The following ARMH3 variants were observed in gnomAD, a reference collection of about 807,000 sequenced individuals.
ARMH3 encodes the protein armadillo like helical domain containing 3.
A neutral mutation model predicts 99.1 loss-of-function variants in ARMH3; 60 were observed. The ratio of observed to expected loss-of-function variants is 0.61; its 90% CI spans 0.49 to 0.75. The LOEUF (loss-of-function observed/expected upper bound fraction) is 0.75. Ranked by LOEUF, ARMH3 falls within the 30% of genes least tolerant of loss-of-function variation. ARMH3 has a pLI of 0.00. For synonymous variants in ARMH3, 285 were observed against 292.8 expected (o/e 0.97, Z 0.27); for missense variants, 679 against 843.1 (o/e 0.81, Z 2.41).
At chr10:102,025,280 T>C in intron 5 of ARMH3, 32 bp from the exon 6 acceptor site, 1 of 1,572,730 alleles carries the variant, frequency 6.4e-7, no homozygotes, top group East Asian at 2.2e-5. Context: ...CATTAAACCA[T>C]ACCAGATAAC....
chr10:101,932,973 T>C (rs1008585552), intron 23 of ARMH3, among the ~76,000 whole-genome samples: 2 of 152,106 alleles, frequency 1.3e-5, no homozygotes, highest in Admixed American at 1.3e-4. Flanking sequence ...GATTACGAGG[T>C]CAGGAGATCG....
At chr10:101,976,910 C>T (rs1846037954) in intron 19 of ARMH3, among the ~76,000 whole-genome samples, 2 of 152,146 alleles carry the variant, frequency 1.3e-5, no homozygotes, top group South Asian at 4.1e-4. Flanking sequence ...GCCTTGACCT[C>T]CCCAAGTTCT....
At chr10:101,969,655 CAATT>C (rs1399465608) in intron 20 of ARMH3, among the ~76,000 whole-genome samples, 3 of 152,170 alleles carry the variant, frequency 2.0e-5, no homozygotes, top group Non-Finnish European at 4.4e-5. Flanking sequence ...AGGCCATGTA[CAATT>C]TCTTTTTCAC....
chr10:102,024,481 T>C (rs2136172271), intron 6 of ARMH3, among the ~76,000 whole-genome samples: 2 of 145,632 alleles, frequency 1.4e-5, no homozygotes, highest in East Asian at 4.2e-4. Context: ...CCAAAACAAA[T>C]AAAAATACTC....
At chr10:101,970,942 T>C (rs1160203766) in intron 20 of ARMH3, among the ~76,000 whole-genome samples, 1 of 151,172 alleles carries the variant, frequency 6.6e-6, no homozygotes, top group Non-Finnish European at 1.5e-5. Context: ...TAAAAACATA[T>C]GAAATTAGCT....
At chr10:101,931,258 G>A (rs1275702928) in intron 23 of ARMH3, among the ~76,000 whole-genome samples, 1 of 152,192 alleles carries the variant, frequency 6.6e-6, no homozygotes, top group Admixed American at 6.5e-5. Context: ...CGGGTGCGAT[G>A]GCTCACGCCT....
intron 24 of ARMH3, among the ~76,000 whole-genome samples, chr10:101,866,257 CTCATA>C (rs2135342119): frequency 6.6e-6 from 1 of 151,522 alleles, no homozygotes; most frequent in South Asian, 2.1e-4. Context: ...TTTCGCAGTT[CTCATA>C]TATTTTTCAT....
intron 19 of ARMH3, among the ~76,000 whole-genome samples, chr10:101,987,600 G>C (rs1049943228): frequency 1.3e-5 from 2 of 152,128 alleles, no homozygotes; most frequent in African/African-American, 4.8e-5. Context: ...ATTGCAACAG[G>C]GTTGGTCTGT....
chr10:101,880,543 A>G (rs2067386121), intron 24 of ARMH3, among the ~76,000 whole-genome samples: 1 of 152,074 alleles, frequency 6.6e-6, no homozygotes, highest in African/African-American at 2.4e-5. Context: ...GCTGACTGTT[A>G]AATTTCAAAA....
At chr10:101,960,402 G>T (rs1203296115) in intron 20 of ARMH3, among the ~76,000 whole-genome samples, 1 of 152,164 alleles carries the variant, frequency 6.6e-6, no homozygotes, top group Admixed American at 6.5e-5. Flanking sequence ...TATGATGGGA[G>T]TTTTAAGTCT....
At chr10:102,032,535 G>A (rs2067155309) in intron 4 of ARMH3, among the ~76,000 whole-genome samples, 1 of 152,020 alleles carries the variant, frequency 6.6e-6, no homozygotes, top group East Asian at 1.9e-4. Context: ...TGAGTAGATG[G>A]GATTACAGGT....
chr10:101,948,545 G>A (rs1049556708), intron 22 of ARMH3, among the ~76,000 whole-genome samples: 9 of 152,116 alleles, frequency 5.9e-5, no homozygotes, highest in African/African-American at 1.9e-4. Context: ...GAGTCAATTT[G>A]CCAAGATATA....
chr10:102,043,451 A>G (rs2067468845), intron 1 of ARMH3, among the ~76,000 whole-genome samples: 1 of 152,262 alleles, frequency 6.6e-6, no homozygotes, highest in Admixed American at 6.5e-5. Context: ...TAAAGAGAGG[A>G]AACTCCAGAC....
At chr10:102,049,325 T>G (rs1040555325) in intron 1 of ARMH3, among the ~76,000 whole-genome samples, 1 of 152,104 alleles carries the variant, frequency 6.6e-6, no homozygotes, top group Admixed American at 6.6e-5. Flanking sequence ...GCGGATCACT[T>G]GAGGTCAGGA....
chr10:101,935,171 A>T (rs1431410319), intron 23 of ARMH3, among the ~76,000 whole-genome samples: 1 of 118,502 alleles, frequency 8.4e-6, no homozygotes, highest in Non-Finnish European at 1.6e-5. Flanking sequence ...TCAAAGGTGG[A>T]GCAATATATA....
At chr10:101,889,635 AG>A in intron 23 of ARMH3, 145 bp from the exon 24 acceptor site, 1 of 737,136 alleles carries the variant, frequency 1.4e-6, no homozygotes, top group South Asian at 1.5e-5. Context: ...ATTGAACATG[AG>A]GTAGTCACAA....
chr10:101,979,165 T>C (rs1232730267), intron 19 of ARMH3, among the ~76,000 whole-genome samples: 2 of 151,922 alleles, frequency 1.3e-5, no homozygotes, highest in Non-Finnish European at 2.9e-5. Flanking sequence ...AAAATATATG[T>C]CCACACAAAA....
intron 23 of ARMH3, among the ~76,000 whole-genome samples, chr10:101,898,344 C>G (rs765645979): frequency 1.1e-4 from 16 of 150,906 alleles, no homozygotes; most frequent in Non-Finnish European, 1.8e-4. Context: ...GGTGACAGAG[C>G]AAGACCCAGT....
At chr10:101,905,204 A>G (rs752096133) in intron 23 of ARMH3, among the ~76,000 whole-genome samples, 8 of 152,168 alleles carry the variant, frequency 5.3e-5, no homozygotes, top group Non-Finnish European at 1.0e-4. Context: ...CTGTAGCTTA[A>G]GACCTCAGGT....
Sources: allele counts gnomAD v4.1 joint callset (sites outside exome capture counted in the v4.1 genomes callset), GRCh38; gene constraint gnomAD v4.1.1; transcripts MANE v1.5; gene names NCBI Gene and HGNC (gene_info 2026-07-23, HGNC 2026-07-21).